The following MKRN1 variants were observed in gnomAD, a reference collection of about 807,000 sequenced individuals.
MKRN1 encodes the protein makorin ring finger protein 1, also known as E3 ubiquitin-protein ligase makorin-1.
A neutral mutation model predicts 55.5 loss-of-function variants in MKRN1; 9 were observed. The ratio of observed to expected loss-of-function variants is 0.16; its 90% CI spans 0.10 to 0.28. MKRN1 has a LOEUF of 0.28. MKRN1 is among the 10% of genes least tolerant of loss of function. MKRN1 has a pLI of 1.00. For synonymous variants in MKRN1, 253 were observed against 235.9 expected, an observed-to-expected ratio of 1.07 and a Z score of -0.66; for missense variants, 488 against 626.7, an observed-to-expected ratio of 0.78 and a Z score of 2.36.
rs957601571 is a variant in MKRN1, at chr7:140,472,592, G to A, written c.186-581C>T. On this transcript the variant is annotated intron_variant, in intron 1 of 7. Transcript: ENST00000255977. ...TTTAGTAGAGACAGGGTTTCACCAT[G>A]TTAGCCAGGATGGTCTCGATCTCCT... Among the ~76,000 whole-genome samples the A allele has an allele frequency of 1.2e-3, 183 of 151,062 alleles. 1 individual carries two copies. The highest frequency in any genetic ancestry group is 3.6e-3 in the African/African-American group (150 of 41,192).
intron 3 of MKRN1, 94 bp downstream of exon 3, chr7:140,459,613 A>G: frequency 8.2e-7 from 1 of 1,225,390 alleles, no homozygotes; most frequent in Non-Finnish European, 1.2e-6. Context: ...TAAAAAAGGA[A>G]TAGAAGCAGA....
At chr7:140,470,084 G>T in intron 2 of MKRN1, among the ~76,000 whole-genome samples, 1 of 150,508 alleles carries the variant, frequency 6.6e-6, no homozygotes, top group East Asian at 2.0e-4. Flanking sequence ...AGCCAGGTGT[G>T]GTGGTGCATG....
At chr7:140,471,221 CA>C (rs961965373) in intron 2 of MKRN1, among the ~76,000 whole-genome samples, 1 of 151,892 alleles carries the variant, frequency 6.6e-6, no homozygotes, top group Non-Finnish European at 1.5e-5. Context: ...CCCATCTCTA[CA>C]AAAAACTAAA....
intron 5 of MKRN1, 26 bp from the exon 6 acceptor site, chr7:140,455,926 T>G: frequency 6.3e-7 from 1 of 1,576,906 alleles, no homozygotes; most frequent in Non-Finnish European, 8.7e-7. Context: ...CAGGCTGCAA[T>G]GCAAATTCCC....
chr7:140,471,736 C>G (rs1299580131), intron 2 of MKRN1, 147 bp downstream of exon 2: 1 of 1,134,734 alleles, frequency 8.8e-7, no homozygotes, highest in Non-Finnish European at 1.2e-6. Context: ...TCCCAAAGTG[C>G]TGGGATTATA....
intron 2 of MKRN1, among the ~76,000 whole-genome samples, chr7:140,465,851 G>A (rs573535781): frequency 1.3e-5 from 2 of 152,244 alleles, no homozygotes; most frequent in South Asian, 4.1e-4. Context: ...GGAGGCCGAG[G>A]TGGGCGGATC....
intron 1 of MKRN1, among the ~76,000 whole-genome samples, chr7:140,477,763 C>A (rs921980199): frequency 2.6e-5 from 4 of 152,204 alleles, no homozygotes; most frequent in African/African-American, 9.6e-5. Context: ...GACCTAGCCA[C>A]CCCGACAGGC....
At chr7:140,466,160 CT>C (rs1327417331) in intron 2 of MKRN1, among the ~76,000 whole-genome samples, 3 of 152,212 alleles carry the variant, frequency 2.0e-5, no homozygotes, top group African/African-American at 7.2e-5. Flanking sequence ...GCAAGCCTCT[CT>C]TTAAGATTCT....
At chr7:140,478,043 C>A (rs1183703388) in intron 1 of MKRN1, 1 of 152,162 alleles carries the variant, frequency 6.6e-6, no homozygotes, top group Admixed American at 6.5e-5. Context: ...CTTCGAAGGT[C>A]GCCAGGATAA....
intron 1 of MKRN1, chr7:140,478,311 C>T (rs1430181122): frequency 3.9e-5 from 6 of 152,230 alleles, no homozygotes; most frequent in Admixed American, 2.0e-4. Context: ...CAACCATACA[C>T]ATCCATACAA....
chr7:140,477,317 T>A (rs1795152727), intron 1 of MKRN1, among the ~76,000 whole-genome samples: 1 of 131,286 alleles, frequency 7.6e-6, no homozygotes, highest in African/African-American at 4.3e-5. Context: ...CTTTCTTTTC[T>A]TTCTTTTTCT....
chr7:140,456,442 A>T, intron 5 of MKRN1: 1 of 1,402,978 alleles, frequency 7.1e-7, no homozygotes, highest in Non-Finnish European at 9.2e-7. Context: ...TCTAACTGAT[A>T]CACAGGGTTT....
At chr7:140,465,222 G>A (rs1794735049) in intron 2 of MKRN1, among the ~76,000 whole-genome samples, 1 of 152,238 alleles carries the variant, frequency 6.6e-6, no homozygotes, top group East Asian at 1.9e-4. Flanking sequence ...ACCAGGCCAG[G>A]CACGGTAGTT....
chr7:140,479,135 G>C, intron 1 of MKRN1, 25 bp downstream of exon 1: 1 of 1,297,164 alleles, frequency 7.7e-7, no homozygotes, highest in Non-Finnish European at 9.8e-7. Flanking sequence ...CCCCGCGCCC[G>C]GCGCTCCGCC....
At chr7:140,478,060 C>T (rs763862344) in intron 1 of MKRN1, 1 of 152,202 alleles carries the variant, frequency 6.6e-6, no homozygotes, top group Non-Finnish European at 1.5e-5. Flanking sequence ...ATAAATGTAT[C>T]ACATCAAAGA....
intron 2 of MKRN1, among the ~76,000 whole-genome samples, chr7:140,466,551 TC>T (rs910495080): frequency 2.6e-5 from 4 of 151,990 alleles, no homozygotes; most frequent in Non-Finnish European, 5.9e-5. Flanking sequence ...ACGCCTGTAA[TC>T]CCAGCACTTT....
intron 4 of MKRN1, among the ~76,000 whole-genome samples, chr7:140,458,201 A>G (rs1406089366): frequency 6.6e-6 from 1 of 152,216 alleles, no homozygotes; most frequent in Non-Finnish European, 1.5e-5. Flanking sequence ...AGAAAAACCT[A>G]TATACAAATG....
intron 2 of MKRN1, among the ~76,000 whole-genome samples, chr7:140,469,065 G>A (rs534037868): frequency 1.3e-5 from 2 of 152,084 alleles, no homozygotes; most frequent in African/African-American, 2.4e-5. Flanking sequence ...AGTGGCTCAC[G>A]CCTGTAATCT....
intron 2 of MKRN1, among the ~76,000 whole-genome samples, chr7:140,463,902 A>G (rs1349257143): frequency 6.6e-6 from 1 of 151,522 alleles, no homozygotes; most frequent in African/African-American, 2.4e-5. Context: ...AAAAAAATAA[A>G]AAGAAATCCA....
Sources: allele counts gnomAD v4.1 joint callset (sites outside exome capture counted in the v4.1 genomes callset), GRCh38; gene constraint gnomAD v4.1.1; transcripts MANE v1.5; gene names NCBI Gene and HGNC (gene_info 2026-07-23, HGNC 2026-07-21).